Variants in EPM2A observed in about 807,000 individuals in gnomAD.
EPM2A encodes EPM2A glucan phosphatase, laforin.
A neutral mutation model predicts 26.5 loss-of-function variants in EPM2A; 21 were observed. The ratio of observed to expected loss-of-function variants is 0.79; its 90% CI spans 0.56 to 1.14. EPM2A has a LOEUF of 1.14. Ranked by LOEUF, EPM2A falls within the 50% of genes most tolerant of loss-of-function variation. The probability of loss-of-function intolerance (pLI) is 0.00; values close to 1 mark genes in which losing one functional copy is unlikely to be tolerated. For missense variants in EPM2A, 458 were observed against 440.8 expected (o/e 1.04, Z -0.35); for synonymous variants, 217 against 177.6 (o/e 1.22, Z -1.76).
At chr6:145,510,153 C>T (rs1489094988) in intron 2 of EPM2A, among the ~76,000 whole-genome samples, 1 of 151,280 alleles carries the variant, frequency 6.6e-6, no homozygotes, top group South Asian at 2.1e-4. Flanking sequence ...TGGAATTCAA[C>T]ACCCCACTTA....
At chr6:145,547,968 A>T (rs1206226999) in intron 2 of EPM2A, among the ~76,000 whole-genome samples, 2 of 152,096 alleles carry the variant, frequency 1.3e-5, no homozygotes, top group African/African-American at 4.8e-5. Flanking sequence ...AACGACCCCA[A>T]AACTAATATT....
intron 4 of EPM2A, among the ~76,000 whole-genome samples, chr6:145,440,774 C>G (rs533648459): frequency 1.4e-3 from 209 of 152,370 alleles, no homozygotes; most frequent in Non-Finnish European, 2.3e-3. Flanking sequence ...TGTCTCATAT[C>G]CAGGTCATTT....
intron 2 of EPM2A, among the ~76,000 whole-genome samples, chr6:145,542,681 G>C (rs1780529396): frequency 6.6e-6 from 1 of 152,064 alleles, no homozygotes; most frequent in Non-Finnish European, 1.5e-5. Flanking sequence ...TGTTGTTTTG[G>C]ATTCTTTAGT....
intron 2 of EPM2A, among the ~76,000 whole-genome samples, chr6:145,653,267 G>A (rs1297609686): frequency 2.6e-5 from 4 of 152,144 alleles, no homozygotes; most frequent in South Asian, 2.1e-4. Context: ...TCTTGTGATA[G>A]GGGGTGATTT....
chr6:145,731,361 G>T lies in EPM2A; in HGVS notation c.301+3837C>A, dbSNP rs1289337067. 2.0e-5 allele frequency among the ~76,000 whole-genome samples: 3 copies of T among 152,154 alleles called. No individual in the cohort carries two copies. The East Asian group carries it at 5.8e-4, about 29-fold the overall frequency. ...TATCCTTCATTCATAAAAATGAATGGATATCCAAGGACTACCAGATACTGG... is the reference window on the plus strand; with the variant it reads ...TATCCTTCATTCATAAAAATGAATGTATATCCAAGGACTACCAGATACTGG... On this transcript the variant is annotated intron_variant, in intron 1 of 3. Coordinates refer to ENST00000367519, the MANE Select transcript of EPM2A (RefSeq NM_005670.4).
chr6:145,704,887 A>C lies in EPM2A; in HGVS notation c.302-18591T>G, dbSNP rs114170068. On this transcript the variant is annotated intron_variant, in intron 1 of 3. Coordinates refer to ENST00000367519, the MANE Select transcript of EPM2A (RefSeq NM_005670.4). ...GATAGATGTGTCTGTTTTAATTTCT[A>C]AATAATGCTTTTTTCCTCAAATGTC... Among the ~76,000 whole-genome samples the C allele has an allele frequency of 2.8e-3, 419 of 152,340 alleles. 5 individuals are homozygous for C. The highest frequency in any genetic ancestry group is 9.6e-3 in the African/African-American group (400 of 41,566).
chr6:145,521,367 T>A (rs1290140378), intron 2 of EPM2A, among the ~76,000 whole-genome samples: 1 of 152,158 alleles, frequency 6.6e-6, no homozygotes, highest in East Asian at 1.9e-4. Flanking sequence ...TAATAAAAGA[T>A]AAAGAAATCT....
intron 1 of EPM2A, among the ~76,000 whole-genome samples, chr6:145,713,833 T>G (rs1043908485): frequency 3.3e-5 from 5 of 152,172 alleles, no homozygotes; most frequent in Non-Finnish European, 7.3e-5. Flanking sequence ...AGCTTTTACC[T>G]CCATCAACTG....
chr6:145,444,928 A>T (rs1582760877), intron 4 of EPM2A, among the ~76,000 whole-genome samples: 1 of 150,862 alleles, frequency 6.6e-6, no homozygotes, highest in East Asian at 2.0e-4. Flanking sequence ...GAAAATTTAG[A>T]TTTTTTTTTT....
At chr6:145,731,622 T>C (rs1207996815) in intron 1 of EPM2A, among the ~76,000 whole-genome samples, 1 of 151,868 alleles carries the variant, frequency 6.6e-6, no homozygotes, top group African/African-American at 2.4e-5. Context: ...CCAAGGCCTG[T>C]TGGTGGGTGG....
At chr6:145,488,372 T>C (rs1284450492) in intron 4 of EPM2A, among the ~76,000 whole-genome samples, 1 of 152,130 alleles carries the variant, frequency 6.6e-6, no homozygotes, top group Non-Finnish European at 1.5e-5. Flanking sequence ...GGTAGTTCGA[T>C]AGGAATAACA....
chr6:145,490,250 C>A (rs1219801920), intron 4 of EPM2A: 2 of 1,283,946 alleles, frequency 1.6e-6, no homozygotes, highest in African/African-American at 1.5e-5. Context: ...ACATAAAGAA[C>A]AATAGTTGGG....
At chr6:145,416,197 G>T (rs1342755112) in intron 4 of EPM2A, among the ~76,000 whole-genome samples, 1 of 150,350 alleles carries the variant, frequency 6.7e-6, no homozygotes, top group Non-Finnish European at 1.5e-5. Flanking sequence ...AGAAGCATGA[G>T]TTTAGGATAC....
At position 145,530,956 on chromosome 6, in the gene EPM2A, A is replaced by G. The variant is rs117814761; in HGVS notation, c.341-28381T>C. On this transcript the variant is annotated intron_variant, in intron 2 of 3. Coordinates refer to the EPM2A transcript ENST00000450221. ...CTTGTAGCTCCTCTGTAAAAAGTAT[A>G]TAACTAAATCTTTCCTTGATCCCAC... 4.1e-3 allele frequency among the ~76,000 whole-genome samples: 625 copies of G among 152,298 alleles called. 2 individuals are homozygous for G. Among genetic ancestry groups the G allele is most frequent in the Non-Finnish European group, 6.6e-3 (448 of 68,026 alleles).
intron 4 of EPM2A, among the ~76,000 whole-genome samples, chr6:145,386,243 GA>G (rs1354622064): frequency 6.6e-6 from 1 of 152,090 alleles, no homozygotes; most frequent in East Asian, 1.9e-4. Flanking sequence ...TTGGACACTG[GA>G]AAGATATGTT....
intron 2 of EPM2A, among the ~76,000 whole-genome samples, chr6:145,565,099 G>A (rs1455324429): frequency 6.6e-6 from 1 of 152,120 alleles, no homozygotes; most frequent in East Asian, 1.9e-4. Context: ...TGACTTCTCT[G>A]TTTGTCTGCA....
chr6:145,432,933 C>A (rs1293563867), intron 4 of EPM2A, among the ~76,000 whole-genome samples: 1 of 152,140 alleles, frequency 6.6e-6, no homozygotes, highest in East Asian at 1.9e-4. Context: ...TTTCTTTAAA[C>A]CTGGTGAACC....
intron 2 of EPM2A, among the ~76,000 whole-genome samples, chr6:145,562,046 C>T (rs547863713): frequency 2.7e-5 from 4 of 148,444 alleles, no homozygotes; most frequent in Non-Finnish European, 4.4e-5. Context: ...ACATATATCC[C>T]AGAACTTAAA....
intron 1 of EPM2A, among the ~76,000 whole-genome samples, chr6:145,725,446 C>A (rs1776152767): frequency 6.6e-6 from 1 of 152,048 alleles, no homozygotes. Context: ...TATCTACCCA[C>A]TGATATAAAA....
Sources: allele counts gnomAD v4.1 joint callset (sites outside exome capture counted in the v4.1 genomes callset), GRCh38; gene constraint gnomAD v4.1.1; transcripts MANE v1.5; gene names NCBI Gene and HGNC (gene_info 2026-07-23, HGNC 2026-07-21).